The following PSG2 variants were observed in gnomAD, a reference collection of about 807,000 sequenced individuals.
The protein encoded by PSG2 is pregnancy specific beta-1-glycoprotein 2, also known as pregnancy-specific beta-1-glycoprotein 2.
PSG2 carries 49 observed loss-of-function variants against 36.2 expected under a neutral mutation model. The ratio of observed to expected loss-of-function variants is 1.35; its 90% CI spans 1.08 to 1.72. The LOEUF (loss-of-function observed/expected upper bound fraction) is 1.72, where lower values mean the gene tolerates loss of function less well. Ranked by LOEUF, PSG2 falls within the 40% of genes most tolerant of loss-of-function variation. The probability of loss-of-function intolerance (pLI) is 0.00; values close to 1 mark genes in which losing one functional copy is unlikely to be tolerated. For synonymous variants in PSG2, 261 were observed against 155.6 expected (o/e 1.68, Z -5.04); for missense variants, 605 against 407.2 (o/e 1.49, Z -4.18).
At chr19:43,080,842 C>G in intron 2 of PSG2, 39 bp downstream of exon 2, 6 of 1,612,048 alleles carry the variant, frequency 3.7e-6, no homozygotes, top group Non-Finnish European at 5.1e-6. Context: ...GAAATGACCC[C>G]TGTCCCCCAA....
chr19:43,071,981 G>T (rs1486672686), intron 3 of PSG2, 27 bp from the exon 4 acceptor site: 2 of 1,607,548 alleles, frequency 1.2e-6, no homozygotes, highest in Non-Finnish European at 8.5e-7. Context: ...AAAGCCACAG[G>T]TGATGCCATC....
At chr19:43,080,476 G>C (rs762993104) in intron 2 of PSG2, among the ~76,000 whole-genome samples, 21 of 151,744 alleles carry the variant, frequency 1.4e-4, no homozygotes, top group Non-Finnish European at 2.6e-4. Context: ...CAAGGATTTA[G>C]GGACAGGGTT....
chr19:43,075,367 G>A lies in PSG2; in HGVS notation c.696C>T (p.Thr232=), dbSNP rs1487378538. ...SGSASRSDPV[T]LNLLHGPDLP... is the part of the protein sequence containing the mutation. ...GAAGATACTCACGGAGGAGATTCAG[G>A]GTGACTGGGTCACTGCGGCTGGCAC... The change falls in exon 3 of 6, where the codon ACC becomes ACT. Residue 232 remains threonine, a synonymous_variant. Coordinates refer to ENST00000406487, the MANE Select transcript of PSG2 (RefSeq NM_031246.4). 6.2e-7 allele frequency: 1 copy of A among 1,613,096 alleles called. No individual in the cohort carries two copies. Among genetic ancestry groups the A allele is most frequent in the East Asian group, 2.2e-5 (1 of 44,866 alleles).
At position 43,071,770 on chromosome 19, in the gene PSG2, G is replaced by A; in HGVS notation, c.894C>T (p.Leu298=). ...IPQITTKHSG[L]YVCSVRNSAT... ...CTGAGTTACGAACAGAGCAAACATAGAGCCCGCTATGCTTTGTAGTAATTT... is the reference window on the plus strand; with the variant it reads ...CTGAGTTACGAACAGAGCAAACATAAAGCCCGCTATGCTTTGTAGTAATTT... Residue 298 remains leucine, a synonymous_variant, in exon 4 of 6, where the codon CTC becomes CTT. Coordinates refer to ENST00000406487, the MANE Select transcript of PSG2 (RefSeq NM_031246.4). 1 of 1,612,792 alleles carries A rather than the reference G, an allele frequency of 6.2e-7. No individual in the cohort carries two copies. The highest frequency in any genetic ancestry group is 8.5e-7 in the Non-Finnish European group (1 of 1,179,298).
rs1389481184 is a variant in PSG2 at position 43,072,470 on chromosome 19, A to G, written c.710-516T>C. 14 of 1,611,280 alleles carry G rather than the reference A, an allele frequency of 8.7e-6. 1 individual carries two copies. The highest frequency in any genetic ancestry group is 1.1e-5 in the Non-Finnish European group (13 of 1,179,612). ...GGGTAGAATGAGGATCCTGTTTTCAATGGGTCGCTTTACCCTGGGACTGAC... is the reference window on the plus strand; with the variant it reads ...GGGTAGAATGAGGATCCTGTTTTCAGTGGGTCGCTTTACCCTGGGACTGAC... On this transcript the variant is annotated intron_variant, in intron 3 of 5. Transcript: ENST00000406487.
chr19:43,071,868 T>G lies in PSG2; in HGVS notation c.796A>C (p.Asn266His). 1 of 1,613,086 alleles carries G rather than the reference T, an allele frequency of 6.2e-7. No individual in the cohort carries two copies. Among genetic ancestry groups the G allele is most frequent in the East Asian group, 2.2e-5 (1 of 44,876 alleles). The part of the protein sequence containing the change: ...NLYLSCFANS[N>H]PPAQYSWTIN... ...GTCCAAGAATACTGTGCCGGTGGGT[T>G]AGAGTTCGCGAAGCAAGACAAGTAG... The change falls in exon 4 of 6, where the codon AAC (asparagine) becomes CAC (histidine). Residue 266 changes from asparagine to histidine, a missense_variant. Asn to His is a moderately conservative substitution (Grantham distance 68). Transcript: ENST00000406487.
intron 2 of PSG2, among the ~76,000 whole-genome samples, chr19:43,080,434 C>T (rs980584462): frequency 4.0e-5 from 6 of 151,670 alleles, no homozygotes; most frequent in African/African-American, 7.3e-5. Flanking sequence ...CACAACCCAG[C>T]CCTGGCACAG....
intron 2 of PSG2, 133 bp from the exon 3 acceptor site, chr19:43,075,765 G>T (rs1213842564): frequency 3.2e-5 from 48 of 1,487,160 alleles, no homozygotes; most frequent in Non-Finnish European, 4.0e-5. Context: ...AGGTGTGTGT[G>T]TTACAAGACA....
chr19:43,069,769 T>C (rs1222561540), intron 4 of PSG2, among the ~76,000 whole-genome samples: 1 of 151,716 alleles, frequency 6.6e-6, no homozygotes, highest in Non-Finnish European at 1.5e-5. Flanking sequence ...AGCTTCATGA[T>C]GCTGGATTTC....
rs3204039 is a variant in PSG2 at position 43,071,591 on chromosome 19, T to G, written c.964+109A>C. 1,594 of 1,609,392 alleles carry G rather than the reference T, an allele frequency of 9.9e-4. 16 individuals are homozygous for G. Among genetic ancestry groups the G allele is most frequent in the Non-Finnish European group, 1.1e-3 (1,300 of 1,178,010 alleles). On this transcript the variant is annotated intron_variant, in intron 4 of 5. Coordinates refer to ENST00000406487, the MANE Select transcript of PSG2 (RefSeq NM_031246.4). ...CAGGAGGAGAATTTGGGATTTGCTT[T>G]TGCCCATGGGACACAGGCTGGGAAT...
intron 2 of PSG2, among the ~76,000 whole-genome samples, chr19:43,076,715 A>T (rs980323569): frequency 1.3e-5 from 2 of 151,650 alleles, no homozygotes; most frequent in African/African-American, 4.9e-5. Context: ...GGTTCCAGTT[A>T]TGCAGGATAA....
At position 43,082,111 on chromosome 19, in the gene PSG2, CTTTCTTCTCTCTTT is replaced by C. The variant is rs1165548032; in HGVS notation, c.64+381_64+394del. 202 of 98,914 alleles carry C rather than the reference CTTTCTTCTCTCTTT, an allele frequency of 2.0e-3. 27 individuals are homozygous for C. The highest frequency in any genetic ancestry group is 7.8e-3 in the African/African-American group (189 of 24,258). The allele number at this position is 98,914 out of a possible 1,614,324, so 6.1% of individuals were successfully genotyped here. A position where few individuals can be genotyped will look rare whatever the true frequency, so the allele number is the denominator to read the frequency against. On this transcript the variant is annotated intron_variant, in intron 1 of 5. Coordinates refer to ENST00000406487, the MANE Select transcript of PSG2 (RefSeq NM_031246.4). ...AACAGAGCCTTCTTTCCTTTTATTT[CTTTCTTCTCTCTTT>C]TTTTTTTTTTTTTTTTTTTTTTTTT...
Position 43,064,537 on chromosome 19 carries a change from A to G in PSG2, c.*105T>C, listed in dbSNP as rs1411136676. ...TTTTGAAAGTTCTTAGTCCAGTGGT[A>G]TGATCTTGAAGTTATCAGGAGCTTG... On this transcript the variant is annotated 3_prime_UTR_variant, in exon 6 of 6. Transcript: ENST00000406487. 2 of 650,612 alleles carry G rather than the reference A, an allele frequency of 3.1e-6. No individual in the cohort carries two copies. The highest frequency in any genetic ancestry group is 5.7e-6 in the Non-Finnish European group (2 of 351,688). The allele number at this position is 650,612 out of a possible 1,614,324, so 40.3% of individuals were successfully genotyped here.
intron 2 of PSG2, among the ~76,000 whole-genome samples, chr19:43,079,442 A>G (rs904512598): frequency 2.6e-5 from 4 of 151,674 alleles, no homozygotes; most frequent in Non-Finnish European, 5.9e-5. Flanking sequence ...TCTGCATCCA[A>G]CATCCAGTCT....
intron 1 of PSG2, 25 bp from the exon 2 acceptor site, chr19:43,081,271 C>G: frequency 6.2e-7 from 1 of 1,603,174 alleles, no homozygotes; most frequent in Non-Finnish European, 8.5e-7. Context: ...GAGCATCAGA[C>G]AATATTGAGA....
At chr19:43,075,702 A>C in intron 2 of PSG2, 70 bp from the exon 3 acceptor site, 1 of 1,554,034 alleles carries the variant, frequency 6.4e-7, no homozygotes, top group Non-Finnish European at 8.7e-7. Context: ...TTTTTCAATC[A>C]GAGTTGGCAT....
intron 5 of PSG2, among the ~76,000 whole-genome samples, chr19:43,065,133 C>A (rs1285371747): frequency 6.6e-6 from 1 of 151,650 alleles, no homozygotes; most frequent in African/African-American, 2.4e-5. Context: ...TCGCGCTCAG[C>A]CTAGAATACT....
chr19:43,067,955 C>T (rs1475032856), intron 4 of PSG2, among the ~76,000 whole-genome samples: 7 of 150,850 alleles, frequency 4.6e-5, no homozygotes, highest in Non-Finnish European at 8.8e-5. Flanking sequence ...CAAACTAAAC[C>T]CAAGCACAGT....
chr19:43,074,249 G>A (rs1021044328), intron 3 of PSG2, among the ~76,000 whole-genome samples: 3 of 151,518 alleles, frequency 2.0e-5, no homozygotes, highest in Non-Finnish European at 2.9e-5. Context: ...CTGTGATTCT[G>A]GGAGGGGTTG....
Sources: allele counts gnomAD v4.1 joint callset (sites outside exome capture counted in the v4.1 genomes callset), GRCh38; gene constraint gnomAD v4.1.1; transcripts MANE v1.5; gene names NCBI Gene and HGNC (gene_info 2026-07-23, HGNC 2026-07-21).